The following DNAJC16 variants were observed in gnomAD, a reference collection of about 807,000 sequenced individuals.
DNAJC16 encodes the protein dnaJ homolog subfamily C member 16.
A neutral mutation model predicts 92.7 loss-of-function variants in DNAJC16; 76 were observed. The observed-to-expected ratio is 0.82, with a 90% CI of 0.68 to 0.99. The LOEUF (loss-of-function observed/expected upper bound fraction) is 0.99. Ranked by LOEUF, DNAJC16 falls within the 50% of genes least tolerant of loss-of-function variation. DNAJC16 has a pLI of 0.00. For synonymous variants in DNAJC16, 328 were observed against 358.7 expected (o/e 0.91, Z 0.97); for missense variants, 869 against 942.4 (o/e 0.92, Z 1.02).
At chr1:15,535,909 C>T (rs1710767721) in intron 3 of DNAJC16, among the ~76,000 whole-genome samples, 1 of 151,232 alleles carries the variant, frequency 6.6e-6, no homozygotes, top group Admixed American at 6.6e-5. Flanking sequence ...GGACTATAGG[C>T]ACGCACCACC....
chr1:15,535,070 A>G (rs985587289), intron 3 of DNAJC16, among the ~76,000 whole-genome samples: 4 of 152,262 alleles, frequency 2.6e-5, no homozygotes, highest in Admixed American at 6.5e-5. Flanking sequence ...TTCAGCAGAC[A>G]GTGCTTAGCT....
chr1:15,566,597 A>G (rs1197133928), intron 13 of DNAJC16: 4 of 191,470 alleles, frequency 2.1e-5, no homozygotes, highest in African/African-American at 9.5e-5. Context: ...GAAAAGCAGC[A>G]TCAAGCAGGG....
At position 15,554,694 on chromosome 1, in the gene DNAJC16, A is replaced by G. The variant is rs190141729; in HGVS notation, c.1024-4832A>G. Among the ~76,000 whole-genome samples, 138 of 152,308 alleles carry G rather than the reference A, an allele frequency of 9.1e-4. 2 individuals carry two copies. Among genetic ancestry groups the G allele is most frequent in the Middle Eastern group, 3.4e-3 (1 of 294 alleles). On this transcript the variant is annotated intron_variant, in intron 7 of 14. Coordinates refer to ENST00000375847, the MANE Select transcript of DNAJC16 (RefSeq NM_015291.4). ...TACATTTTAAATTCTGTCAACTTCCATCAAAACAAACCAACCCAAAAAACT... is the reference window on the plus strand; with the variant it reads ...TACATTTTAAATTCTGTCAACTTCCGTCAAAACAAACCAACCCAAAAAACT...
intron 3 of DNAJC16, among the ~76,000 whole-genome samples, 156 bp from the exon 4 acceptor site, chr1:15,536,319 A>G (rs969020768): frequency 1.3e-5 from 2 of 151,860 alleles, no homozygotes; most frequent in Non-Finnish European, 2.9e-5. Context: ...ACCTCAAGTG[A>G]TCCACCCGCC....
At chr1:15,556,268 T>C (rs1275493305) in intron 7 of DNAJC16, among the ~76,000 whole-genome samples, 14 of 151,894 alleles carry the variant, frequency 9.2e-5, no homozygotes, top group Admixed American at 9.2e-4. Flanking sequence ...GGAGTCTTGC[T>C]CTGTCGCCCA....
In DNAJC16 at chr1:15,566,114, C is replaced by G; in HGVS notation, c.1712C>G (p.Pro571Arg). The change falls in exon 13 of 15, where the codon CCA (proline) becomes CGA (arginine). Residue 571 changes from proline to arginine, a missense_variant. Pro to Arg is a moderately radical substitution (Grantham distance 103, BLOSUM62 -2). Transcript: ENST00000375847. The part of the protein sequence containing the change: ...DSNDERESSP[P>R]EKEEAQEKTG... ...AATGATGAGCGAGAGTCAAGCCCTCCAGAAAAAGAGGAAGCCCAAGAGAAG... is the reference window on the plus strand; with the variant it reads ...AATGATGAGCGAGAGTCAAGCCCTCGAGAAAAAGAGGAAGCCCAAGAGAAG... The G allele has an allele frequency of 1.9e-6, 3 of 1,613,868 alleles. No individual in the cohort carries two copies. The highest frequency in any genetic ancestry group is 2.2e-5 in the South Asian group (2 of 91,062).
chr1:15,552,772 T>TA (rs917003864), intron 7 of DNAJC16, among the ~76,000 whole-genome samples: 20 of 146,904 alleles, frequency 1.4e-4, no homozygotes, highest in East Asian at 5.9e-4. Flanking sequence ...TATTATTTAT[T>TA]TTTTTTTTTT....
chr1:15,534,402 A>G, intron 3 of DNAJC16, 99 bp downstream of exon 3: 8 of 1,181,436 alleles, frequency 6.8e-6, no homozygotes, highest in South Asian at 2.7e-5. Flanking sequence ...CATGTTCCCC[A>G]TGCCCTTGAT....
chr1:15,549,591 GATCA>G (rs1638395312), intron 7 of DNAJC16, among the ~76,000 whole-genome samples: 3 of 151,960 alleles, frequency 2.0e-5, no homozygotes, highest in Admixed American at 2.0e-4. Context: ...GAGGCGGGCA[GATCA>G]CGAGGTCAGG....
In DNAJC16 at chr1:15,548,344, G is replaced by C. The variant is rs1169004917; in HGVS notation, c.939G>C (p.Met313Ile). The change falls in exon 7 of 15, where the codon ATG (methionine) becomes ATC (isoleucine). Residue 313 changes from methionine (M) to isoleucine (I), a missense_variant. Met to Ile is a conservative substitution (Grantham distance 10, BLOSUM62 1). Coordinates refer to ENST00000375847, the MANE Select transcript of DNAJC16 (RefSeq NM_015291.4). ...VYVGLRGTEE[M>I]TRRYNINIYA... ...TGGGTTTGAGAGGGACGGAAGAGATGACAAGGCGGTACAACATCAATATCT... is the reference window on the plus strand; with the variant it reads ...TGGGTTTGAGAGGGACGGAAGAGATCACAAGGCGGTACAACATCAATATCT... 6.2e-7 allele frequency: 1 copy of C among 1,614,058 alleles called. No homozygotes were observed. The highest frequency in any genetic ancestry group is 1.7e-5 in the Admixed American group (1 of 60,008).
chr1:15,547,146 C>CTT (rs768397290), intron 6 of DNAJC16, among the ~76,000 whole-genome samples: 36 of 136,562 alleles, frequency 2.6e-4, no homozygotes, highest in African/African-American at 9.0e-4. Context: ...ATCCCTGTTT[C>CTT]TTTTTTTTTT....
intron 7 of DNAJC16, among the ~76,000 whole-genome samples, chr1:15,551,599 TG>T (rs1285295414): frequency 2.2e-5 from 2 of 90,474 alleles, no homozygotes; most frequent in Non-Finnish European, 4.2e-5. Flanking sequence ...CAAAGTGATG[TG>T]GTTTTTTTTT....
intron 7 of DNAJC16, among the ~76,000 whole-genome samples, chr1:15,555,730 G>A (rs886566293): frequency 1.3e-5 from 2 of 149,318 alleles, no homozygotes; most frequent in Non-Finnish European, 3.0e-5. Flanking sequence ...GCTCATGCCT[G>A]TAATCCTAGC....
chr1:15,563,082 A>AT (rs1638726318), intron 9 of DNAJC16, among the ~76,000 whole-genome samples: 1 of 151,782 alleles, frequency 6.6e-6, no homozygotes. Flanking sequence ...GAAACAAGAA[A>AT]TTCTCCTCTG....
intron 7 of DNAJC16, among the ~76,000 whole-genome samples, chr1:15,557,351 T>G (rs1638590647): frequency 6.6e-6 from 1 of 152,202 alleles, no homozygotes; most frequent in African/African-American, 2.4e-5. Context: ...AGGTAGTGAT[T>G]CCTTCTTGTC....
intron 8 of DNAJC16, among the ~76,000 whole-genome samples, chr1:15,559,966 G>A (rs948060657): frequency 7.9e-5 from 12 of 151,906 alleles, no homozygotes; most frequent in African/African-American, 2.9e-4. Flanking sequence ...GGGAGGCTGA[G>A]GCAGGAGAAT....
rs1037931612 is a variant in DNAJC16, at chr1:15,556,476, G to A, written c.1024-3050G>A. ...TGGTCTCAGGTGATCTGCCCGCCTC[G>A]GCCTCCCACTGTGCTGGGATTATAG... is the stretch of plus-strand genomic sequence containing the variant. On this transcript the variant is annotated intron_variant, in intron 7 of 14. Transcript: ENST00000375847. 3.3e-5 allele frequency among the ~76,000 whole-genome samples: 5 copies of A among 152,066 alleles called. No individual in the cohort carries two copies. In the East Asian group the frequency reaches 5.8e-4, roughly 18 times the overall value.
At chr1:15,564,824 C>T (rs1173311443) in intron 11 of DNAJC16, among the ~76,000 whole-genome samples, 2 of 150,126 alleles carry the variant, frequency 1.3e-5, no homozygotes, top group East Asian at 2.0e-4. Flanking sequence ...CCACTGCTCC[C>T]GGACATTTTT....
intron 3 of DNAJC16, among the ~76,000 whole-genome samples, chr1:15,534,704 C>T (rs1310132627): frequency 4.0e-5 from 6 of 151,668 alleles, no homozygotes; most frequent in African/African-American, 1.5e-4. Flanking sequence ...AGAGGGAGAC[C>T]GTCTCAAAAA....
Sources: allele counts gnomAD v4.1 joint callset (sites outside exome capture counted in the v4.1 genomes callset), GRCh38; gene constraint gnomAD v4.1.1; transcripts MANE v1.5; gene names NCBI Gene and HGNC (gene_info 2026-07-23, HGNC 2026-07-21).